Variants in BRD4 observed in about 807,000 individuals in gnomAD.
BRD4 encodes the protein bromodomain containing 4, also known as bromodomain-containing protein 4.
In BRD4, 16 loss-of-function variants were observed where a neutral mutation model predicts 142.1. That is an observed-to-expected ratio of 0.11 (90% CI 0.08 to 0.17). The LOEUF (loss-of-function observed/expected upper bound fraction) is 0.17, where lower values mean the gene tolerates loss of function less well. Among genes scored for constraint, BRD4 ranks in the 10% least tolerant of loss-of-function variants. The probability of loss-of-function intolerance (pLI) is 1.00; values close to 1 mark genes in which losing one functional copy is unlikely to be tolerated. For synonymous variants in BRD4, 833 were observed against 707.5 expected, an observed-to-expected ratio of 1.18 and a Z score of -2.82; for missense variants, 1,424 against 1,810.9, an observed-to-expected ratio of 0.79 and a Z score of 3.88.
At chr19:15,304,687 T>G (rs764542311) in intron 1 of BRD4, among the ~76,000 whole-genome samples, 1 of 152,142 alleles carries the variant, frequency 6.6e-6, no homozygotes. Context: ...CAACAAGCAA[T>G]TACTGAATGC....
intron 11 of BRD4, among the ~76,000 whole-genome samples, chr19:15,245,451 A>C (rs1334425245): frequency 6.6e-6 from 1 of 152,180 alleles, no homozygotes; most frequent in Non-Finnish European, 1.5e-5. Context: ...TGGACCTCAG[A>C]AGTCCCTGCT....
rs199763403 is a variant in BRD4 at position 15,256,026 on chromosome 19, G to A, written c.1751+38C>T. On this transcript the variant is annotated intron_variant, in intron 9 of 19. Coordinates refer to ENST00000679869, the MANE Select transcript of BRD4 (RefSeq NM_001379291.1). The stretch of plus-strand genomic sequence containing the variant: ...ACAGTCTCAGAGCAAGCCCTGGAAG[G>A]AGGGTCCCCACCCAGGACAAATTCA... The A allele has an allele frequency of 4.4e-6, 7 of 1,605,860 alleles. No homozygotes were observed. The African/African-American group carries it at 6.7e-5, about 15-fold the overall frequency.
chr19:15,241,704 G>A (rs2047239138), intron 14 of BRD4, among the ~76,000 whole-genome samples: 1 of 152,094 alleles, frequency 6.6e-6, no homozygotes, highest in Admixed American at 6.5e-5. Context: ...CATGAGAACA[G>A]GCACAGCCGC....
chr19:15,317,199 C>A (rs1326016682), intron 1 of BRD4, among the ~76,000 whole-genome samples: 1 of 152,198 alleles, frequency 6.6e-6, no homozygotes, highest in African/African-American at 2.4e-5. Context: ...TCCGTATCTG[C>A]AAACCGGGAT....
At chr19:15,285,550 G>C (rs1281449605) in intron 1 of BRD4, among the ~76,000 whole-genome samples, 1 of 151,946 alleles carries the variant, frequency 6.6e-6, no homozygotes, top group Non-Finnish European at 1.5e-5. Flanking sequence ...GGGTGACAGA[G>C]TGAGACCCCA....
chr19:15,284,988 A>G (rs1304834187), intron 1 of BRD4, among the ~76,000 whole-genome samples: 1 of 152,182 alleles, frequency 6.6e-6, no homozygotes, highest in African/African-American at 2.4e-5. Context: ...GACACAGAGC[A>G]TGCCTCATCT....
chr19:15,243,148 G>C lies in BRD4; in HGVS notation c.2921C>G (p.Pro974Arg). 8.9e-7 allele frequency: 1 copy of C among 1,117,956 alleles called. No individual in the cohort carries two copies. Among genetic ancestry groups the C allele is most frequent in the Non-Finnish European group, 1.2e-6 (1 of 815,168 alleles). The allele number at this position is 1,117,956 out of a possible 1,614,324, so 69.3% of individuals were successfully genotyped here. The change falls in exon 14 of 20, where the codon CCG becomes CGG. Residue 974 changes from proline (P) to arginine (R), a missense_variant. Physicochemically the swap from Pro to Arg is moderately radical, Grantham distance 103 (BLOSUM62 -2). Transcript: ENST00000679869. ...PSVQQQLQQQPPPPPPPQPQP... is the reference protein window; with the variant it reads ...PSVQQQLQQQRPPPPPPQPQP... ...GGGCTGGGGTGGTGGGGGTGGTGGC[G>C]GCTGCTGCTGCAGCTGCTGCTGCAC...
intron 1 of BRD4, among the ~76,000 whole-genome samples, chr19:15,281,748 T>C (rs1433507095): frequency 1.3e-5 from 2 of 152,184 alleles, no homozygotes; most frequent in Admixed American, 1.3e-4. Flanking sequence ...CCAGGCATGG[T>C]GGCTTACGTC....
chr19:15,326,943 G>A (rs1358839827), intron 1 of BRD4, among the ~76,000 whole-genome samples: 2 of 152,182 alleles, frequency 1.3e-5, no homozygotes, highest in Non-Finnish European at 2.9e-5. Context: ...GTGCATCTCC[G>A]AGACTGTTCT....
intron 11 of BRD4, chr19:15,248,609 G>A (rs1041299078): frequency 4.0e-5 from 9 of 226,368 alleles, no homozygotes; most frequent in South Asian, 3.6e-4. Flanking sequence ...GGAAATGCAC[G>A]GGAACAATGG....
chr19:15,309,338 CAAAAAAAA>C (rs59956347), intron 1 of BRD4, among the ~76,000 whole-genome samples: 1 of 72,938 alleles, frequency 1.4e-5, no homozygotes, highest in Non-Finnish European at 2.7e-5. Context: ...ACTCCACCTC[CAAAAAAAA>C]AAAAAAAAAA....
At chr19:15,316,986 G>C (rs2048023073) in intron 1 of BRD4, among the ~76,000 whole-genome samples, 1 of 152,212 alleles carries the variant, frequency 6.6e-6, no homozygotes, top group Non-Finnish European at 1.5e-5. Flanking sequence ...ATCTTGGAAA[G>C]CACTTCTGAG....
In BRD4 at chr19:15,256,120, G is replaced by A. The variant is rs1284276995; in HGVS notation, c.1695C>T (p.Ala565=). 6 of 1,611,832 alleles carry A rather than the reference G, an allele frequency of 3.7e-6. No individual in the cohort carries two copies. The highest frequency in any genetic ancestry group is 5.1e-6 in the Non-Finnish European group (6 of 1,179,810). ...TCGTCTTTTTAGGAGGAGGTTCCTT[G>A]GCTTTGCTTTTTTTATTCTCTTCCA... ...EEVEENKKSK[A]KEPPPKKTKK... The change falls in exon 9 of 20, where the codon GCC becomes GCT. Residue 565 remains alanine (A), a synonymous_variant. Transcript: ENST00000679869.
rs1378973346 is a variant in BRD4 at position 15,244,889 on chromosome 19, C to T, written c.2159-127G>A. ...ACCAGTGACCCTGAGAAAGGGCAGC[C>T]GAGTTCAATGAGGGATGAGTTGGTC... On this transcript the variant is annotated intron_variant, in intron 11 of 19. Transcript: ENST00000679869. The T allele has an allele frequency of 5.3e-6, 8 of 1,519,364 alleles. No individual in the cohort carries two copies. In the East Asian group the frequency reaches 6.9e-5, roughly 13 times the overall value. 94.1% of individuals were successfully genotyped at this position (1,519,364 alleles called of 1,614,324 possible).
intron 1 of BRD4, among the ~76,000 whole-genome samples, chr19:15,303,007 C>CAA (rs1213995194): frequency 4.7e-4 from 27 of 57,862 alleles, no homozygotes; most frequent in African/African-American, 8.1e-4. Context: ...GACTCCGTCG[C>CAA]AAAAAAAAAA....
intron 1 of BRD4, among the ~76,000 whole-genome samples, chr19:15,323,750 A>C (rs1038472873): frequency 6.6e-6 from 1 of 152,056 alleles, no homozygotes; most frequent in South Asian, 2.1e-4. Context: ...AGGAACAAAT[A>C]AAGAGTTTCA....
intron 14 of BRD4, among the ~76,000 whole-genome samples, chr19:15,242,047 C>T (rs921474172): frequency 4.6e-5 from 7 of 152,148 alleles, no homozygotes; most frequent in Non-Finnish European, 1.0e-4. Context: ...CTCCTGACAT[C>T]AGGTGATCCA....
rs2047238549 is a variant in BRD4, at chr19:15,241,621, C to A, written c.3169+1279G>T. The stretch of plus-strand genomic sequence containing the variant: ...TCAGCCCCGATAGGTGCCTGGTGCA[C>A]CCGAGTGCTGGCTCTTCTAAATGCC... On this transcript the variant is annotated intron_variant, in intron 14 of 19. Coordinates refer to ENST00000679869, the MANE Select transcript of BRD4 (RefSeq NM_001379291.1). 3.3e-5 allele frequency among the ~76,000 whole-genome samples: 5 copies of A among 152,254 alleles called. No homozygotes were observed. In the South Asian group the frequency reaches 1.0e-3, roughly 32 times the overall value.
In BRD4 at chr19:15,238,560, CAT is replaced by C; in HGVS notation, c.4021-117_4021-116del. 1 of 1,557,422 alleles carries C rather than the reference CAT, an allele frequency of 6.4e-7. No homozygotes were observed. The highest frequency in any genetic ancestry group is 8.7e-7 in the Non-Finnish European group (1 of 1,151,880). Reference sequence around the variant, plus strand: ...GTAGCCCTCCCCGTGGCTGACCCCTCATAGCGCTCACCCCGTCCACACAGCAC... The same window carrying C: ...GTAGCCCTCCCCGTGGCTGACCCCTCAGCGCTCACCCCGTCCACACAGCAC... On this transcript the variant is annotated intron_variant, in intron 19 of 19. Coordinates refer to ENST00000679869, the MANE Select transcript of BRD4 (RefSeq NM_001379291.1). The surrounding 1 kb of genome is among the most constrained non-coding windows in gnomAD (Gnocchi z 7.2).
Sources: gnomAD v4.1 joint callset for allele counts (sites outside exome capture counted in the v4.1 genomes callset) on GRCh38, gnomAD v4.1.1 for gene constraint, Gnocchi (gnomAD v3.1) non-coding constraint, MANE v1.5 for transcripts, NCBI Gene and HGNC (gene_info 2026-07-23, HGNC 2026-07-21) for gene names.